Variants in DAB1 observed in about 807,000 individuals in gnomAD.
The protein encoded by DAB1 is disabled homolog 1.
In DAB1, 15 loss-of-function variants were observed where a neutral mutation model predicts 64.6. That is an observed-to-expected ratio of 0.23 (90% CI 0.16 to 0.36). DAB1 has a LOEUF of 0.36. Ranked by LOEUF, DAB1 falls within the 10% of genes least tolerant of loss-of-function variation. The pLI, the probability that DAB1 is intolerant of heterozygous loss-of-function variation, is 1.00. For missense variants in DAB1, 596 were observed against 706.7 expected (o/e 0.84, Z 1.78); for synonymous variants, 235 against 251.9 (o/e 0.93, Z 0.64).
chr1:57,220,505 GTAT>G (rs1211048894), intron 2 of DAB1, among the ~76,000 whole-genome samples: 1 of 152,096 alleles, frequency 6.6e-6, no homozygotes, highest in Non-Finnish European at 1.5e-5. Context: ...CTAATAGCAG[GTAT>G]TATTAGCATA....
intron 4 of DAB1, among the ~76,000 whole-genome samples, chr1:58,239,063 G>C (rs536175200): frequency 6.6e-6 from 1 of 152,282 alleles, no homozygotes; most frequent in South Asian, 2.1e-4. Context: ...TGACATTCAA[G>C]CTTGGCTTCC....
intron 4 of DAB1, among the ~76,000 whole-genome samples, chr1:58,324,795 A>G (rs1162693521): frequency 6.6e-6 from 1 of 152,180 alleles, no homozygotes; most frequent in Non-Finnish European, 1.5e-5. Flanking sequence ...TACAGAATTC[A>G]GCTGTTTCAA....
chr1:57,960,833 G>A (rs1321998452), intron 5 of DAB1, among the ~76,000 whole-genome samples: 1 of 152,268 alleles, frequency 6.6e-6, no homozygotes, highest in Non-Finnish European at 1.5e-5. Context: ...CAGGCATGAG[G>A]AGAACAGACC....
At chr1:58,204,387 G>A (rs6683259) in intron 4 of DAB1, among the ~76,000 whole-genome samples, 10,475 of 152,212 alleles carry the variant, frequency 0.069, 405 homozygotes, top group Admixed American at 0.088. Flanking sequence ...GCATCAAAAC[G>A]CTAGTATTCA....
chr1:57,280,019 A>T (rs1208432271), intron 2 of DAB1, among the ~76,000 whole-genome samples: 2 of 152,202 alleles, frequency 1.3e-5, no homozygotes, highest in Admixed American at 6.5e-5. Flanking sequence ...AGGACATATC[A>T]TTCAGTGGAG....
intron 3 of DAB1, among the ~76,000 whole-genome samples, chr1:58,414,253 C>T (rs1344650620): frequency 6.6e-6 from 1 of 152,174 alleles, no homozygotes; most frequent in Non-Finnish European, 1.5e-5. Flanking sequence ...ACTAGGGCTA[C>T]AGTACTTTCC....
At chr1:57,312,825 C>T (rs535183375) in intron 1 of DAB1, among the ~76,000 whole-genome samples, 8 of 152,236 alleles carry the variant, frequency 5.3e-5, no homozygotes, top group Admixed American at 4.6e-4. Flanking sequence ...AACTCCAGCA[C>T]TATTGCTTTC....
At chr1:57,469,307 G>A (rs1687062024) in intron 7 of DAB1, among the ~76,000 whole-genome samples, 1 of 152,186 alleles carries the variant, frequency 6.6e-6, no homozygotes, top group Admixed American at 6.5e-5. Flanking sequence ...CTGGTTTTGA[G>A]AGGCTGAACC....
chr1:57,447,155 T>C (rs1194940292), intron 7 of DAB1, among the ~76,000 whole-genome samples: 5 of 151,964 alleles, frequency 3.3e-5, no homozygotes, highest in Admixed American at 6.6e-5. Flanking sequence ...ATGCCCTGAG[T>C]CCTATAATAG....
chr1:58,075,255 T>C (rs915771535), intron 5 of DAB1, among the ~76,000 whole-genome samples: 2 of 152,198 alleles, frequency 1.3e-5, no homozygotes, highest in Admixed American at 1.3e-4. Flanking sequence ...GCATGGTAGT[T>C]AGTAAAGTCT....
At chr1:57,413,083 C>T (rs116836889) in intron 1 of DAB1, among the ~76,000 whole-genome samples, 2,337 of 152,238 alleles carry the variant, frequency 0.015, 66 homozygotes, top group African/African-American at 0.053. Context: ...TCTACTCTGC[C>T]TGTACTCTAA....
At position 58,026,430 on chromosome 1, in the gene DAB1, G is replaced by A. The variant is rs548659149; in HGVS notation, n.387+124081C>T. The stretch of plus-strand genomic sequence containing the variant: ...ATTTTTTCATCCCTGAGTGAGGATG[G>A]TGATGGTATCAATCTCATAAGGCTG... On this transcript the variant is annotated intron_variant and non_coding_transcript_variant, in intron 5 of 20. Coordinates refer to the DAB1 transcript ENST00000485760. Among the ~76,000 whole-genome samples, 18 of 152,276 alleles carry A rather than the reference G, an allele frequency of 1.2e-4. 1 individual carries two copies. In the South Asian group the frequency reaches 3.5e-3, roughly 30 times the overall value.
chr1:57,226,691 A>C (rs1667294651), intron 2 of DAB1, among the ~76,000 whole-genome samples: 1 of 147,346 alleles, frequency 6.8e-6, no homozygotes, highest in South Asian at 2.1e-4. Flanking sequence ...ATATATATAT[A>C]TATATATCAG....
intron 5 of DAB1, among the ~76,000 whole-genome samples, chr1:57,993,762 GA>G (rs5774383): frequency 0.33 from 49,788 of 151,984 alleles, 9,739 homozygotes; most frequent in Non-Finnish European, 0.46. Flanking sequence ...GCAGAAGCTG[GA>G]AATTGGCCTA....
chr1:57,636,931 C>T (rs994453374), intron 7 of DAB1, among the ~76,000 whole-genome samples: 2 of 152,070 alleles, frequency 1.3e-5, no homozygotes, highest in Non-Finnish European at 2.9e-5. Context: ...ATATGGATAT[C>T]ATTAACATAT....
chr1:57,737,257 G>A (rs1336378619), intron 6 of DAB1, among the ~76,000 whole-genome samples: 1 of 152,190 alleles, frequency 6.6e-6, no homozygotes, highest in African/African-American at 2.4e-5. Context: ...TTGAGGCAGT[G>A]CACTTAACTC....
intron 5 of DAB1, among the ~76,000 whole-genome samples, chr1:57,905,775 CAAAAGACATG>C (rs1055138036): frequency 2.0e-5 from 3 of 152,032 alleles, no homozygotes; most frequent in African/African-American, 7.2e-5. Context: ...GAGAAACCAG[CAAAAGACATG>C]AAAAGACAGT....
intron 3 of DAB1, among the ~76,000 whole-genome samples, chr1:58,502,041 C>T (rs1356583470): frequency 2.0e-5 from 3 of 152,050 alleles, no homozygotes; most frequent in African/African-American, 4.8e-5. Context: ...TACAACCTGG[C>T]ATATAACAGA....
intron 5 of DAB1, among the ~76,000 whole-genome samples, chr1:57,970,361 C>T (rs1645768464): frequency 6.6e-6 from 1 of 152,102 alleles, no homozygotes; most frequent in South Asian, 2.1e-4. Flanking sequence ...CAACATTTTC[C>T]TCCTTCAAAG....
Sources: gnomAD v4.1 joint callset for allele counts (sites outside exome capture counted in the v4.1 genomes callset) on GRCh38, gnomAD v4.1.1 for gene constraint, MANE v1.5 for transcripts, NCBI Gene and HGNC (gene_info 2026-07-23, HGNC 2026-07-21) for gene names.